MTREX: variants seen among roughly 807,000 people sequenced by gnomAD.
The protein encoded by MTREX is exosome RNA helicase MTR4.
MTREX carries 76 observed loss-of-function variants against 135.4 expected under a neutral mutation model. That is an observed-to-expected ratio of 0.56 (90% CI 0.47 to 0.68). The LOEUF (loss-of-function observed/expected upper bound fraction) is 0.68, where lower values mean the gene tolerates loss of function less well. MTREX is among the 30% of genes least tolerant of loss of function. The pLI is 0.00. For synonymous variants in MTREX, 404 were observed against 401.6 expected (o/e 1.01, Z -0.07); for missense variants, 920 against 1,262.1 (o/e 0.73, Z 4.11).
In MTREX at chr5:55,327,736, G is replaced by C. The variant is rs774180822; in HGVS notation, c.360G>C (p.Glu120Asp). 3 of 1,613,218 alleles carry C rather than the reference G, an allele frequency of 1.9e-6. No individual in the cohort carries two copies. In the Admixed American group the frequency reaches 5.0e-5, roughly 27 times the overall value. The change falls in exon 4 of 27, where the codon GAG becomes GAC. Residue 120 changes from glutamate (E) to aspartate (D), a missense_variant. Physicochemically the swap from Glu to Asp is conservative, Grantham distance 45 (BLOSUM62 2). This residue lies in a region of MTREX where 82 missense variants were observed against 107.4 expected (regional missense o/e 0.76). Transcript: ENST00000230640. ...GTCAGGTTGCACTTCCTGCAGAAGAGGATTATTTACCACTTAAACCACGAG... is the reference window on the plus strand; with the variant it reads ...GTCAGGTTGCACTTCCTGCAGAAGACGATTATTTACCACTTAAACCACGAG... Reference protein sequence around the residue: ...CTHEVALPAEEDYLPLKPRVG... With the variant: ...CTHEVALPAEDDYLPLKPRVG...
Position 55,392,462 on chromosome 5 carries a change from G to T in MTREX, c.2181+4360G>T, listed in dbSNP as rs936298962. On this transcript the variant is annotated intron_variant, in intron 19 of 26. Transcript: ENST00000230640. ...AGAGGCTGAGGCAGGAGACTTACTT[G>T]AACCCAGGAGGTAGAGGTTGCAGTG... Among the ~76,000 whole-genome samples, 3 of 149,142 alleles carry T rather than the reference G, an allele frequency of 2.0e-5. No individual in the cohort carries two copies. In the Admixed American group the frequency reaches 2.0e-4, roughly 10 times the overall value.
At chr5:55,353,309 T>C in intron 14 of MTREX, 40 bp downstream of exon 14, 12 of 1,344,856 alleles carry the variant, frequency 8.9e-6, no homozygotes, top group Non-Finnish European at 1.3e-5. Context: ...ATTTTTGTCT[T>C]TGTTATACTA....
intron 14 of MTREX, among the ~76,000 whole-genome samples, chr5:55,355,875 G>A (rs1298071070): frequency 1.3e-5 from 2 of 152,032 alleles, no homozygotes; most frequent in East Asian, 1.9e-4. Flanking sequence ...TGGAGGAATG[G>A]GGGGTAGTTC....
chr5:55,377,969 T>C (rs375947313), intron 16 of MTREX, among the ~76,000 whole-genome samples: 1 of 150,694 alleles, frequency 6.6e-6, no homozygotes, highest in African/African-American at 2.5e-5. Flanking sequence ...AGTCATACCT[T>C]GGAGGAAGAA....
intron 1 of MTREX, 113 bp downstream of exon 1, chr5:55,308,260 G>A: frequency 7.8e-7 from 1 of 1,287,598 alleles, no homozygotes; most frequent in South Asian, 1.6e-5. Flanking sequence ...AGTGGCGTTG[G>A]AAGTGAAGGG....
At chr5:55,361,748 G>A (rs1279500107) in intron 15 of MTREX, among the ~76,000 whole-genome samples, 1 of 142,788 alleles carries the variant, frequency 7.0e-6, no homozygotes, top group African/African-American at 2.7e-5. Context: ...GTGAGCCACT[G>A]CATCCAGCCC....
Position 55,411,860 on chromosome 5 carries a change from C to T in MTREX, c.2751+1231C>T, listed in dbSNP as rs559353200. Reference sequence around the variant, plus strand: ...CAAACTTACTTGGAATAGGAAGGTTCAGAGATGTAGGTTTGTAAATAGTTT... The same window carrying T: ...CAAACTTACTTGGAATAGGAAGGTTTAGAGATGTAGGTTTGTAAATAGTTT... On this transcript the variant is annotated intron_variant, in intron 23 of 26. Coordinates refer to ENST00000230640, the MANE Select transcript of MTREX (RefSeq NM_015360.5). Among the ~76,000 whole-genome samples the T allele has an allele frequency of 5.3e-5, 8 of 152,274 alleles. No homozygotes were observed. The South Asian group carries it at 1.4e-3, about 28-fold the overall frequency.
At position 55,378,307 on chromosome 5, in the gene MTREX, T is replaced by C. The variant is rs369207648; in HGVS notation, c.1811-7T>C. The C allele has an allele frequency of 1.9e-5, 30 of 1,581,982 alleles. No individual in the cohort carries two copies. The highest frequency in any genetic ancestry group is 2.5e-5 in the Non-Finnish European group (29 of 1,170,174). ...CTTTTAATTTTGTACATGTGTTCTATTTACAGAGGTAAAGAATTCAGAAGA... is the reference window on the plus strand; with the variant it reads ...CTTTTAATTTTGTACATGTGTTCTACTTACAGAGGTAAAGAATTCAGAAGA... On this transcript the variant is annotated splice_region_variant and splice_polypyrimidine_tract_variant and intron_variant, in intron 16 of 26. Coordinates refer to ENST00000230640, the MANE Select transcript of MTREX (RefSeq NM_015360.5).
At chr5:55,322,204 T>C (rs1749300190) in intron 1 of MTREX, 123 bp from the exon 2 acceptor site, 9 of 743,278 alleles carry the variant, frequency 1.2e-5, no homozygotes, top group Non-Finnish European at 1.6e-5. Context: ...CCAGTTGTTG[T>C]TTGTAACATT....
At position 55,400,533 on chromosome 5, in the gene MTREX, A is replaced by C. The variant is rs151333131; in HGVS notation, c.2481+112A>C. 2.2e-4 allele frequency: 142 copies of C among 655,394 alleles called. No individual in the cohort carries two copies. In the African/African-American group the frequency reaches 2.5e-3, roughly 11 times the overall value. The allele number at this position is 655,394 out of a possible 1,614,324, so 40.6% of individuals were successfully genotyped here. A position where few individuals can be genotyped will look rare whatever the true frequency, so the allele number is the denominator to read the frequency against. ...TAATTGGCTAAAACAGGAAAATGTG[A>C]GCTATCTTTTAAATAAACTGTCAGC... On this transcript the variant is annotated intron_variant, in intron 21 of 26. Coordinates refer to ENST00000230640, the MANE Select transcript of MTREX (RefSeq NM_015360.5).
At chr5:55,319,072 G>A (rs1749246072) in intron 1 of MTREX, among the ~76,000 whole-genome samples, 1 of 152,050 alleles carries the variant, frequency 6.6e-6, no homozygotes. Flanking sequence ...GTGTATGTTT[G>A]TGGATACATA....
chr5:55,346,719 A>G (rs986741812), intron 10 of MTREX, among the ~76,000 whole-genome samples: 4 of 152,146 alleles, frequency 2.6e-5, no homozygotes, highest in African/African-American at 9.7e-5. Flanking sequence ...GACCCTTATC[A>G]GATAGATGAT....
At chr5:55,334,277 T>C (rs148974929) in intron 5 of MTREX, among the ~76,000 whole-genome samples, 3 of 152,234 alleles carry the variant, frequency 2.0e-5, no homozygotes, top group Non-Finnish European at 4.4e-5. Context: ...ATGAATGTAC[T>C]AAATGCCACT....
At chr5:55,321,259 CACTG>C (rs1487499466) in intron 1 of MTREX, among the ~76,000 whole-genome samples, 1 of 152,054 alleles carries the variant, frequency 6.6e-6, no homozygotes, top group Non-Finnish European at 1.5e-5. Context: ...AAGTTTGAGC[CACTG>C]ACCTGATATC....
At chr5:55,313,750 A>G (rs1207217894) in intron 1 of MTREX, among the ~76,000 whole-genome samples, 1 of 152,224 alleles carries the variant, frequency 6.6e-6, no homozygotes, top group Non-Finnish European at 1.5e-5. Context: ...TCCAAAATCA[A>G]AAGTTTAAAA....
intron 18 of MTREX, among the ~76,000 whole-genome samples, chr5:55,385,480 T>G (rs1422751700): frequency 6.6e-6 from 1 of 152,128 alleles, no homozygotes; most frequent in Admixed American, 6.6e-5. Flanking sequence ...AAAAGCCCTT[T>G]CCAAGCAAGA....
chr5:55,401,533 ACT>A (rs1273638526), intron 21 of MTREX, among the ~76,000 whole-genome samples: 1 of 151,966 alleles, frequency 6.6e-6, no homozygotes, highest in Non-Finnish European at 1.5e-5. Flanking sequence ...TCATATGGTA[ACT>A]CTATATTTAC....
At chr5:55,420,750 G>C (rs931623064) in intron 25 of MTREX, among the ~76,000 whole-genome samples, 4 of 152,090 alleles carry the variant, frequency 2.6e-5, no homozygotes, top group Non-Finnish European at 5.9e-5. Flanking sequence ...AGGTTTTTTG[G>C]GGGTGGTAAA....
intron 20 of MTREX, among the ~76,000 whole-genome samples, chr5:55,399,199 T>C (rs775582635): frequency 6.6e-6 from 1 of 152,184 alleles, no homozygotes; most frequent in Admixed American, 6.5e-5. Context: ...ACCAGAGATA[T>C]CAGTCTTTTG....
Sources: gnomAD v4.1 joint callset for allele counts (sites outside exome capture counted in the v4.1 genomes callset) on GRCh38, gnomAD v4.1.1 for gene constraint, gnomAD v4.1.1 regional missense constraint, MANE v1.5 for transcripts, NCBI Gene and HGNC (gene_info 2026-07-23, HGNC 2026-07-21) for gene names.